Variants in KAZN observed in about 807,000 individuals in gnomAD.
KAZN encodes the protein kazrin, periplakin interacting protein.
In KAZN, 40 loss-of-function variants were observed where a neutral mutation model predicts 87.4. The observed-to-expected ratio is 0.46, with a 90% confidence interval of 0.36 to 0.60. The LOEUF (loss-of-function observed/expected upper bound fraction) is 0.60. Ranked by LOEUF, KAZN falls within the 20% of genes least tolerant of loss-of-function variation. The pLI, the probability that KAZN is intolerant of heterozygous loss-of-function variation, is 0.00. For missense variants in KAZN, 898 were observed against 1,073.9 expected (o/e 0.84, Z 2.29); for synonymous variants, 466 against 458.3 (o/e 1.02, Z -0.22).
intron 1 of KAZN, among the ~76,000 whole-genome samples, chr1:14,889,037 T>C (rs1376678143): frequency 6.6e-6 from 1 of 152,202 alleles, no homozygotes; most frequent in Non-Finnish European, 1.5e-5. Flanking sequence ...AAACATCTCA[T>C]AGTGTTTTAA....
At chr1:14,352,967 A>C (rs904394844) in intron 2 of KAZN, among the ~76,000 whole-genome samples, 1 of 152,230 alleles carries the variant, frequency 6.6e-6, no homozygotes, top group African/African-American at 2.4e-5. Flanking sequence ...CCGAAAATTT[A>C]GACCCATTCA....
At chr1:14,658,653 T>G (rs1638953199) in intron 1 of KAZN, among the ~76,000 whole-genome samples, 1 of 152,094 alleles carries the variant, frequency 6.6e-6, no homozygotes, top group African/African-American at 2.4e-5. Flanking sequence ...ACAGGGAGTT[T>G]GGCTCTCTAA....
chr1:14,357,301 AT>A (rs1659116022), intron 2 of KAZN, among the ~76,000 whole-genome samples: 2 of 152,216 alleles, frequency 1.3e-5, no homozygotes, highest in Admixed American at 1.3e-4. Context: ...GAAGTTGCTT[AT>A]CAGCTTAAGG....
At chr1:14,997,976 C>G (rs2101993789) in intron 2 of KAZN, among the ~76,000 whole-genome samples, 1 of 152,338 alleles carries the variant, frequency 6.6e-6, no homozygotes, top group Admixed American at 6.5e-5. Flanking sequence ...CCCAGACAGG[C>G]TAAGCACTCA....
chr1:15,060,210 G>C lies in KAZN; in HGVS notation c.955G>C (p.Val319Leu), dbSNP rs950520486. ...CCCCTGCCACTCCCGGCAGCCCTCT[G>C]TCATCTCCGACGCATCTGCCGCCGA... ...VSPCHSRQPS[V>L]ISDASAAEGD... Residue 319 changes from valine (V) to leucine (L), a missense_variant, in exon 6 of 15, where the codon GTC becomes CTC. By Grantham distance (32) the Val-to-Leu change is conservative. Coordinates refer to ENST00000376030, the MANE Select transcript of KAZN (RefSeq NM_201628.3). 1 of 1,614,220 alleles carries C rather than the reference G, an allele frequency of 6.2e-7. No individual in the cohort carries two copies. Among genetic ancestry groups the C allele is most frequent in the Non-Finnish European group, 8.5e-7 (1 of 1,180,040 alleles).
intron 2 of KAZN, among the ~76,000 whole-genome samples, chr1:14,474,458 G>A (rs1392631690): frequency 6.6e-6 from 1 of 152,110 alleles, no homozygotes; most frequent in East Asian, 1.9e-4. Flanking sequence ...GACTATTCAG[G>A]GTATAGTAGC....
chr1:14,678,310 G>A (rs1640359579), intron 1 of KAZN, among the ~76,000 whole-genome samples: 1 of 152,096 alleles, frequency 6.6e-6, no homozygotes, highest in African/African-American at 2.4e-5. Flanking sequence ...CTCCCGTACT[G>A]GAGGCTTCCT....
At chr1:14,175,173 G>T (rs184218362) in intron 1 of KAZN, among the ~76,000 whole-genome samples, 2,322 of 152,266 alleles carry the variant, frequency 0.015, 38 homozygotes, top group Non-Finnish European at 0.023. Context: ...GCGCAATCTC[G>T]GCTCACTGCA....
chr1:14,930,527 T>C (rs1659694739), intron 1 of KAZN, among the ~76,000 whole-genome samples: 1 of 152,196 alleles, frequency 6.6e-6, no homozygotes, highest in Non-Finnish European at 1.5e-5. Context: ...GGAAGGATCA[T>C]TGACTGAGGG....
chr1:14,136,537 C>A (rs766348989), intron 1 of KAZN, among the ~76,000 whole-genome samples: 3 of 152,144 alleles, frequency 2.0e-5, no homozygotes, highest in Admixed American at 6.5e-5. Context: ...TCCTCAGTCA[C>A]GCAAATAAGA....
chr1:14,902,959 C>T (rs1485361504), intron 1 of KAZN, among the ~76,000 whole-genome samples: 1 of 151,750 alleles, frequency 6.6e-6, no homozygotes, highest in Non-Finnish European at 1.5e-5. Flanking sequence ...CCTCCACCTC[C>T]CAGGTTCAAG....
chr1:14,374,843 AT>A (rs1418826502), intron 2 of KAZN, among the ~76,000 whole-genome samples: 1 of 152,258 alleles, frequency 6.6e-6, no homozygotes. Flanking sequence ...CATAGCCTGA[AT>A]CTGTCCTGGA....
chr1:14,272,640 T>C (rs1482216489), intron 2 of KAZN, among the ~76,000 whole-genome samples: 1 of 151,942 alleles, frequency 6.6e-6, no homozygotes, highest in Non-Finnish European at 1.5e-5. Context: ...GGGCGGATCA[T>C]GAGGTCAGGA....
intron 1 of KAZN, among the ~76,000 whole-genome samples, chr1:14,000,565 C>A (rs1271309694): frequency 1.3e-5 from 2 of 152,134 alleles, no homozygotes; most frequent in Non-Finnish European, 1.5e-5. Context: ...ATAATAAGAG[C>A]TATTTATGAC....
intron 1 of KAZN, among the ~76,000 whole-genome samples, chr1:14,786,327 C>T (rs759841662): frequency 2.0e-5 from 3 of 152,198 alleles, no homozygotes; most frequent in Non-Finnish European, 2.9e-5. Flanking sequence ...CCAGGCAATG[C>T]TGTCATTGGC....
intron 1 of KAZN, among the ~76,000 whole-genome samples, chr1:14,015,635 C>CTG (rs1557783566): frequency 1.4e-5 from 2 of 147,212 alleles, no homozygotes; most frequent in Non-Finnish European, 3.0e-5. Flanking sequence ...TGCCTGCCAC[C>CTG]ACACCCAGCT....
intron 1 of KAZN, among the ~76,000 whole-genome samples, chr1:14,819,520 C>T (rs909204276): frequency 4.6e-5 from 7 of 152,086 alleles, no homozygotes; most frequent in African/African-American, 7.2e-5. Flanking sequence ...TCCCAAAAAA[C>T]GAAGAAATCC....
intron 2 of KAZN, among the ~76,000 whole-genome samples, chr1:14,498,475 T>C (rs900816127): frequency 6.6e-6 from 1 of 152,114 alleles, no homozygotes; most frequent in African/African-American, 2.4e-5. Context: ...GTGGATCACT[T>C]GGGGTCAGGG....
Position 14,820,637 on chromosome 1 carries a change from A to T in KAZN, c.227-140047A>T, listed in dbSNP as rs532319837. The stretch of plus-strand genomic sequence containing the variant: ...GTGTGCTCTGTGGTCTTTGAACTTG[A>T]TCTGGGAGGACAGAACTTCAAAAGG... On this transcript the variant is annotated intron_variant, in intron 1 of 14. Coordinates refer to ENST00000376030, the MANE Select transcript of KAZN (RefSeq NM_201628.3). This position sits in a 1 kb window ranked among gnomAD's most constrained non-coding sequence, Gnocchi z 4.1. Among the ~76,000 whole-genome samples, 1 of 152,328 alleles carries T rather than the reference A, an allele frequency of 6.6e-6. No homozygotes were observed. The highest frequency in any genetic ancestry group is 1.9e-4 in the East Asian group (1 of 5,184).
Sources: allele counts gnomAD v4.1 joint callset (sites outside exome capture counted in the v4.1 genomes callset), GRCh38; gene constraint gnomAD v4.1.1; non-coding constraint Gnocchi (gnomAD v3.1); transcripts MANE v1.5; gene names NCBI Gene and HGNC (gene_info 2026-07-23, HGNC 2026-07-21).